CMIP: variants seen among roughly 807,000 people sequenced by gnomAD.
CMIP encodes the protein c-Maf inducing protein, also known as C-Maf-inducing protein.
Under a neutral mutation model 97.3 loss-of-function variants are expected in CMIP, and 13 were observed. The observed-to-expected ratio is 0.13, with a 90% CI of 0.09 to 0.21. The LOEUF (loss-of-function observed/expected upper bound fraction) is 0.21. CMIP is among the 10% of genes least tolerant of loss of function. The pLI is 1.00. For synonymous variants in CMIP, 538 were observed against 436.3 expected (o/e 1.23, Z -2.91); for missense variants, 847 against 1,024.9 (o/e 0.83, Z 2.37).
chr16:81,664,561 C>G, intron 7 of CMIP: 1 of 577,368 alleles, frequency 1.7e-6, no homozygotes, highest in African/African-American at 1.9e-5. Flanking sequence ...TTTTGCAGTT[C>G]CTAAGAATTA....
intron 1 of CMIP, among the ~76,000 whole-genome samples, chr16:81,472,987 C>A (rs760538756): frequency 6.6e-6 from 1 of 152,206 alleles, no homozygotes; most frequent in Non-Finnish European, 1.5e-5. Context: ...AGAGCCTGTT[C>A]GCCTTGCATC....
chr16:81,621,068 A>C lies in CMIP; in HGVS notation c.477+142A>C. The stretch of plus-strand genomic sequence containing the variant: ...GCTGAGGAACTTTGTTCCCCTACCT[A>C]AGAGCCCCTGGCCCTTCGTCCTCTG... On this transcript the variant is annotated intron_variant, in intron 3 of 20. Coordinates refer to ENST00000537098, the MANE Select transcript of CMIP (RefSeq NM_198390.3). This position sits in a 1 kb window ranked among gnomAD's most constrained non-coding sequence, Gnocchi z 4.1. The C allele has an allele frequency of 1.1e-6, 1 of 943,130 alleles. No individual in the cohort carries two copies. The highest frequency in any genetic ancestry group is 1.6e-6 in the Non-Finnish European group (1 of 625,936). 58.4% of individuals were successfully genotyped at this position (943,130 alleles called of 1,614,324 possible).
intron 19 of CMIP, among the ~76,000 whole-genome samples, chr16:81,706,023 C>A (rs902026575): frequency 6.6e-6 from 1 of 152,160 alleles, no homozygotes; most frequent in African/African-American, 2.4e-5. Context: ...AGACACCGTA[C>A]GGTAAGCAGA....
chr16:81,529,944 C>T (rs935673277), intron 1 of CMIP, among the ~76,000 whole-genome samples: 1 of 152,142 alleles, frequency 6.6e-6, no homozygotes, highest in Admixed American at 6.5e-5. Flanking sequence ...TTTGAGCAGC[C>T]ATAGGAACCT....
At chr16:81,499,932 G>A (rs968521297) in intron 1 of CMIP, among the ~76,000 whole-genome samples, 11 of 152,356 alleles carry the variant, frequency 7.2e-5, no homozygotes, top group South Asian at 2.1e-4. Flanking sequence ...CTTGCCTTCC[G>A]GGGCGCCCCA....
At chr16:81,607,749 G>T in intron 2 of CMIP, 57 bp downstream of exon 2, 5 of 1,586,984 alleles carry the variant, frequency 3.2e-6, no homozygotes, top group Non-Finnish European at 4.3e-6. Context: ...ATGCACTTGT[G>T]CCCCTCGTTT....
intron 9 of CMIP, among the ~76,000 whole-genome samples, chr16:81,675,926 CTG>C (rs1273138496): frequency 6.6e-6 from 1 of 152,206 alleles, no homozygotes; most frequent in East Asian, 1.9e-4. Context: ...GGGGATCACT[CTG>C]TAAGTAGCAG....
intron 7 of CMIP, chr16:81,664,568 A>G (rs2151025639): frequency 1.7e-6 from 1 of 579,378 alleles, no homozygotes. Flanking sequence ...GTTCCTAAGA[A>G]TTACAAAAAT....
rs186402661 is a variant in CMIP at position 81,678,337 on chromosome 16, A to G, written c.1097A>G (p.Lys366Arg). ...RNGCQQPCDR[K>R]PTLPLRLLHP... ...GGCTGCCAGCAGCCGTGCGACCGGA[A>G]GCCCACTTTACCTCTGCGCCTTCTG... is the stretch of plus-strand genomic sequence containing the variant. Residue 366 changes from lysine to arginine, a missense_variant, in exon 10 of 21, where the codon AAG (lysine) becomes AGG (arginine). Around this residue, in one of 4 missense-constraint regions of CMIP, gnomAD observed 202 missense variants for 168.7 expected, o/e 1.20. Coordinates refer to ENST00000537098, the MANE Select transcript of CMIP (RefSeq NM_198390.3). 3 of 1,611,478 alleles carry G rather than the reference A, an allele frequency of 1.9e-6. No individual in the cohort carries two copies. In the Admixed American group the frequency reaches 5.0e-5, roughly 27 times the overall value.
intron 7 of CMIP, 52 bp downstream of exon 7, chr16:81,664,401 C>T: frequency 1.3e-6 from 2 of 1,523,076 alleles, no homozygotes. Context: ...ACATGAGGCC[C>T]CGCGCGCCTC....
intron 1 of CMIP, among the ~76,000 whole-genome samples, chr16:81,531,195 T>G (rs2090228065): frequency 1.3e-5 from 2 of 152,012 alleles, no homozygotes; most frequent in African/African-American, 4.8e-5. Context: ...TGAGGGAAAC[T>G]TAGACACAGA....
At chr16:81,634,317 T>C (rs975196196) in intron 3 of CMIP, among the ~76,000 whole-genome samples, 3 of 152,196 alleles carry the variant, frequency 2.0e-5, no homozygotes, top group African/African-American at 7.2e-5. Context: ...TATATCTCCA[T>C]TGTATGAACA....
At chr16:81,565,034 G>A (rs1469085002) in intron 1 of CMIP, among the ~76,000 whole-genome samples, 2 of 152,038 alleles carry the variant, frequency 1.3e-5, no homozygotes, top group South Asian at 2.1e-4. Flanking sequence ...GGTAGTGCTC[G>A]GGGGTGCCTG....
chr16:81,539,179 C>T (rs908594231), intron 1 of CMIP, among the ~76,000 whole-genome samples: 2 of 152,192 alleles, frequency 1.3e-5, no homozygotes, highest in African/African-American at 2.4e-5. Flanking sequence ...GTGTAGCCTC[C>T]TGTGAGAAAG....
intron 1 of CMIP, among the ~76,000 whole-genome samples, chr16:81,563,687 A>G (rs767006897): frequency 6.6e-6 from 1 of 152,126 alleles, no homozygotes; most frequent in Non-Finnish European, 1.5e-5. Flanking sequence ...GTGTTCTCTT[A>G]TTATCATGAG....
intron 1 of CMIP, among the ~76,000 whole-genome samples, chr16:81,598,606 A>G (rs959328504): frequency 6.6e-6 from 1 of 152,182 alleles, no homozygotes; most frequent in African/African-American, 2.4e-5. Flanking sequence ...TCAAAGCCTC[A>G]TTACTTTTAC....
chr16:81,692,253 G>A (rs759459750), intron 11 of CMIP, among the ~76,000 whole-genome samples: 6 of 152,196 alleles, frequency 3.9e-5, no homozygotes, highest in Admixed American at 1.3e-4. Flanking sequence ...AGCATTGCTC[G>A]CTGTGCCGTA....
chr16:81,484,758 C>G (rs143460079), intron 1 of CMIP, among the ~76,000 whole-genome samples: 1 of 152,242 alleles, frequency 6.6e-6, no homozygotes, highest in African/African-American at 2.4e-5. Flanking sequence ...GCCAGGTGGG[C>G]TTCTGAAACG....
intron 1 of CMIP, among the ~76,000 whole-genome samples, chr16:81,511,850 C>T (rs2089816725): frequency 2.0e-5 from 3 of 152,230 alleles, no homozygotes; most frequent in Admixed American, 1.3e-4. Flanking sequence ...GTGTGAGCCA[C>T]TGCACCTGGC....
Sources: allele counts gnomAD v4.1 joint callset (sites outside exome capture counted in the v4.1 genomes callset), GRCh38; gene constraint gnomAD v4.1.1; regional missense constraint gnomAD v4.1.1; non-coding constraint Gnocchi (gnomAD v3.1); transcripts MANE v1.5; gene names NCBI Gene and HGNC (gene_info 2026-07-23, HGNC 2026-07-21).